The following METTL8 variants were observed in gnomAD, a reference collection of about 807,000 sequenced individuals.
METTL8 encodes the protein methyltransferase 8, tRNA N3-cytidine.
A neutral mutation model predicts 48.7 loss-of-function variants in METTL8; 32 were observed. The observed-to-expected ratio is 0.66, with a 90% confidence interval of 0.50 to 0.88. METTL8 has a LOEUF of 0.88. METTL8 is among the 40% of genes least tolerant of loss of function. METTL8 has a pLI of 0.00. For synonymous variants in METTL8, 136 were observed against 157.1 expected (o/e 0.87, Z 1.01); for missense variants, 464 against 474.4 (o/e 0.98, Z 0.20).
intron 1 of METTL8, among the ~76,000 whole-genome samples, chr2:171,416,055 C>T (rs763899328): frequency 6.6e-6 from 1 of 152,246 alleles, no homozygotes; most frequent in Non-Finnish European, 1.5e-5. Flanking sequence ...TCCTATTCAT[C>T]AACTATGGCA....
rs1463557548 is a variant in METTL8, at chr2:171,315,773, A to C, written c.*8399T>G. Among the ~76,000 whole-genome samples the C allele has an allele frequency of 6.6e-6, 1 of 152,254 alleles. No homozygotes were observed. Among genetic ancestry groups the C allele is most frequent in the East Asian group, 1.9e-4 (1 of 5,202 alleles). ...ACATAACTAGAATAAAATTTAATGTAAATGTGCCAAAGAGGAGAAGAAATC... is the reference window on the plus strand; with the variant it reads ...ACATAACTAGAATAAAATTTAATGTCAATGTGCCAAAGAGGAGAAGAAATC... On this transcript the variant is annotated 3_prime_UTR_variant, in exon 10 of 10. Transcript: ENST00000375258.
chr2:171,327,846 T>C (rs932914701), intron 7 of METTL8, among the ~76,000 whole-genome samples: 2 of 152,230 alleles, frequency 1.3e-5, no homozygotes, highest in Non-Finnish European at 2.9e-5. Flanking sequence ...CCTTAAAATA[T>C]TCACTTTCAA....
Position 171,323,234 on chromosome 2 carries a change from T to TA in METTL8, c.*937_*938insT, listed in dbSNP as rs1282714987. On this transcript the variant is annotated 3_prime_UTR_variant, in exon 10 of 10. Coordinates refer to ENST00000375258, the MANE Select transcript of METTL8 (RefSeq NM_001321154.2). ...CTTGTCAGCTTACATACCTTTTTTT[T>TA]TTTTTTTTTTTTTTTTGGAGACAAG... 1 of 140,638 alleles carries TA rather than the reference T, an allele frequency of 7.1e-6. No homozygotes were observed. Among genetic ancestry groups the TA allele is most frequent in the Non-Finnish European group, 1.5e-5 (1 of 64,618 alleles). The allele number at this position is 140,638 out of a possible 1,614,324, so 8.7% of individuals were successfully genotyped here. A position where few individuals can be genotyped will look rare whatever the true frequency, so the allele number is the denominator to read the frequency against.
intron 3 of METTL8, among the ~76,000 whole-genome samples, chr2:171,358,413 C>T (rs1684815211): frequency 1.3e-5 from 2 of 149,920 alleles, no homozygotes; most frequent in Non-Finnish European, 3.0e-5. Context: ...TCAAAACATA[C>T]TACAAAGCTA....
At chr2:171,326,274 A>G (rs1684947226) in intron 7 of METTL8, 126 bp from the exon 8 acceptor site, 3 of 583,776 alleles carry the variant, frequency 5.1e-6, no homozygotes, top group Non-Finnish European at 9.1e-6. Flanking sequence ...AACCATAAAC[A>G]TAAGGGTAAC....
At chr2:171,407,833 G>A (rs1690342267) in intron 1 of METTL8, among the ~76,000 whole-genome samples, 1 of 152,208 alleles carries the variant, frequency 6.6e-6, no homozygotes, top group African/African-American at 2.4e-5. Flanking sequence ...AAGCAGCACA[G>A]ATGTAATACA....
chr2:171,402,437 C>G (rs979859957), intron 1 of METTL8, among the ~76,000 whole-genome samples: 1 of 152,018 alleles, frequency 6.6e-6, no homozygotes, highest in Non-Finnish European at 1.5e-5. Flanking sequence ...TTGGCAGAAG[C>G]CAGGTTTCTC....
chr2:171,349,304 G>A (rs1683622543), intron 3 of METTL8, among the ~76,000 whole-genome samples: 1 of 152,138 alleles, frequency 6.6e-6, no homozygotes, highest in Admixed American at 6.5e-5. Flanking sequence ...AGAGGCAATT[G>A]TCCTAAATTT....
chr2:171,357,568 A>C (rs1305460899), intron 3 of METTL8, among the ~76,000 whole-genome samples: 6 of 152,366 alleles, frequency 3.9e-5, no homozygotes, highest in African/African-American at 1.4e-4. Context: ...CATGCTGATG[A>C]GTCCAAATAA....
Position 171,320,469 on chromosome 2 carries a change from C to G in METTL8, c.*3703G>C, listed in dbSNP as rs1174250918. 6.6e-6 allele frequency: 1 copy of G among 152,180 alleles called. No homozygotes were observed. Among genetic ancestry groups the G allele is most frequent in the Non-Finnish European group, 1.5e-5 (1 of 68,026 alleles). 9.4% of individuals were successfully genotyped at this position (152,180 alleles called of 1,614,324 possible). A position where few individuals can be genotyped will look rare whatever the true frequency, so the allele number is the denominator to read the frequency against. ...ATCCGCTATTTAGAACTGAGAGAGACAGTACAATTTACATGTGTGAGAATG... is the reference window on the plus strand; with the variant it reads ...ATCCGCTATTTAGAACTGAGAGAGAGAGTACAATTTACATGTGTGAGAATG... On this transcript the variant is annotated 3_prime_UTR_variant, in exon 10 of 10. Transcript: ENST00000375258.
intron 1 of METTL8, chr2:171,433,122 T>C (rs903973264): frequency 2.0e-5 from 3 of 152,092 alleles, no homozygotes; most frequent in Admixed American, 6.6e-5. Context: ...CGACATTCCA[T>C]CGCAGGGAGC....
At chr2:171,362,603 C>A (rs1379114990) in intron 2 of METTL8, among the ~76,000 whole-genome samples, 7 of 94,756 alleles carry the variant, frequency 7.4e-5, no homozygotes, top group South Asian at 3.4e-4. Context: ...ATAAATAAAT[C>A]AAAATTGGTA....
At chr2:171,367,764 C>T (rs1045037701) in intron 2 of METTL8, among the ~76,000 whole-genome samples, 6 of 152,244 alleles carry the variant, frequency 3.9e-5, no homozygotes, top group African/African-American at 1.4e-4. Flanking sequence ...GGAGGGATGA[C>T]AAGTAGAAAC....
At chr2:171,382,741 A>G (rs1687683808) in intron 2 of METTL8, among the ~76,000 whole-genome samples, 2 of 152,094 alleles carry the variant, frequency 1.3e-5, no homozygotes, top group East Asian at 1.9e-4. Context: ...AAGAAAGAAA[A>G]AAAGAAAAGA....
intron 1 of METTL8, among the ~76,000 whole-genome samples, chr2:171,412,560 A>G (rs969676724): frequency 1.3e-5 from 2 of 152,008 alleles, no homozygotes; most frequent in African/African-American, 2.4e-5. Context: ...TTTCATGATA[A>G]TATCAACATA....
At chr2:171,351,132 A>G (rs189515824) in intron 3 of METTL8, among the ~76,000 whole-genome samples, 4 of 152,168 alleles carry the variant, frequency 2.6e-5, no homozygotes, top group African/African-American at 9.7e-5. Flanking sequence ...TCTTGAATTA[A>G]TTTTTGTATA....
In METTL8 at chr2:171,393,407, C is replaced by CAAAAA. The variant is rs10629650; in HGVS notation, c.-12-1215_-12-1211dup. 5.9e-4 allele frequency among the ~76,000 whole-genome samples: 61 copies of CAAAAA among 104,136 alleles called. 1 individual carries two copies. Among genetic ancestry groups the CAAAAA allele is most frequent in the South Asian group, 7.0e-4 (2 of 2,858 alleles). 68.3% of individuals were successfully genotyped at this position (104,136 alleles called of 152,430 possible). A position where few individuals can be genotyped will look rare whatever the true frequency, so the allele number is the denominator to read the frequency against. On this transcript the variant is annotated intron_variant, in intron 1 of 9. Coordinates refer to ENST00000375258, the MANE Select transcript of METTL8 (RefSeq NM_001321154.2). Reference sequence around the variant, plus strand: ...AGCAAGACTCTGTCTTATAAAAAAGCAAAAAAAAAAAAAAAAAAGCATGCT... The same window carrying CAAAAA: ...AGCAAGACTCTGTCTTATAAAAAAGCAAAAAAAAAAAAAAAAAAAAAAAGCATGCT...
At chr2:171,426,606 G>A (rs1238284368) in intron 1 of METTL8, among the ~76,000 whole-genome samples, 11 of 152,142 alleles carry the variant, frequency 7.2e-5, no homozygotes, top group African/African-American at 2.2e-4. Flanking sequence ...GTGAGTCTGC[G>A]AGCTTTACTA....
At chr2:171,430,947 A>G (rs977609588) in intron 1 of METTL8, among the ~76,000 whole-genome samples, 1 of 151,928 alleles carries the variant, frequency 6.6e-6, no homozygotes, top group Admixed American at 6.5e-5. Flanking sequence ...CCTATTTTGC[A>G]TACTCACAAA....
Sources: allele counts gnomAD v4.1 joint callset (sites outside exome capture counted in the v4.1 genomes callset), GRCh38; gene constraint gnomAD v4.1.1; transcripts MANE v1.5; gene names NCBI Gene and HGNC (gene_info 2026-07-23, HGNC 2026-07-21).